The following TENT4A variants were observed in gnomAD, a reference collection of about 807,000 sequenced individuals.
TENT4A encodes DNA polymerase kappa.
TENT4A carries 7 observed loss-of-function variants against 72.8 expected under a neutral mutation model. That is an observed-to-expected ratio of 0.10 (90% CI 0.05 to 0.18). The LOEUF is 0.18. Ranked by LOEUF, TENT4A falls within the 10% of genes least tolerant of loss-of-function variation. The pLI, the probability that TENT4A is intolerant of heterozygous loss-of-function variation, is 1.00. For missense variants in TENT4A, 831 were observed against 1,017.7 expected (o/e 0.82, Z 2.50); for synonymous variants, 456 against 434.3 (o/e 1.05, Z -0.62).
intron 1 of TENT4A, among the ~76,000 whole-genome samples, chr5:6,719,446 A>G (rs1030716753): frequency 6.6e-6 from 1 of 152,200 alleles, no homozygotes; most frequent in Non-Finnish European, 1.5e-5. Flanking sequence ...AAAGGTACAG[A>G]GGGGTGGCAG....
At chr5:6,737,936 G>C (rs1479743863) in intron 2 of TENT4A, among the ~76,000 whole-genome samples, 2 of 150,332 alleles carry the variant, frequency 1.3e-5, no homozygotes, top group African/African-American at 2.4e-5. Context: ...TTGGAAGGGG[G>C]AGAATGGTGT....
chr5:6,747,600 G>A (rs1043566488), intron 7 of TENT4A, among the ~76,000 whole-genome samples: 4 of 152,266 alleles, frequency 2.6e-5, no homozygotes, highest in African/African-American at 9.6e-5. Context: ...AGCACGGTAT[G>A]GCAGTGTATC....
intron 1 of TENT4A, among the ~76,000 whole-genome samples, chr5:6,725,747 G>C (rs1413007258): frequency 6.6e-6 from 1 of 152,176 alleles, no homozygotes; most frequent in Non-Finnish European, 1.5e-5. Flanking sequence ...ACAAGCAGGT[G>C]GCTGCCACTG....
At chr5:6,746,098 G>A (rs1381949385) in intron 6 of TENT4A, 116 bp from the exon 7 acceptor site, 1 of 1,557,318 alleles carries the variant, frequency 6.4e-7, no homozygotes, top group African/African-American at 1.4e-5. Context: ...GAGTGAGCGA[G>A]TGCCACTCAC....
intron 1 of TENT4A, among the ~76,000 whole-genome samples, chr5:6,735,343 C>CTTGCCA (rs1447365244): frequency 6.6e-6 from 1 of 152,190 alleles, no homozygotes; most frequent in Admixed American, 6.5e-5. Flanking sequence ...GGTGGACAGA[C>CTTGCCA]TTGCCAGTGC....
intron 6 of TENT4A, 73 bp from the exon 7 acceptor site, chr5:6,746,141 G>C: frequency 6.2e-7 from 1 of 1,608,678 alleles, no homozygotes; most frequent in Non-Finnish European, 8.5e-7. Flanking sequence ...CTGGACAGCA[G>C]ACTTCGTCGC....
intron 1 of TENT4A, among the ~76,000 whole-genome samples, chr5:6,719,318 C>T (rs944080271): frequency 6.6e-6 from 1 of 151,944 alleles, no homozygotes; most frequent in Admixed American, 6.5e-5. Context: ...TCAGTTAGGT[C>T]ATATGGTTTA....
chr5:6,750,247 A>G (rs1742321891), intron 9 of TENT4A, 84 bp from the exon 10 acceptor site: 3 of 1,178,884 alleles, frequency 2.5e-6, no homozygotes, highest in African/African-American at 3.2e-5. Flanking sequence ...TTCCCGGCTC[A>G]GCAGAGCCCG....
At chr5:6,744,616 G>A (rs1741985294) in intron 6 of TENT4A, among the ~76,000 whole-genome samples, 1 of 152,180 alleles carries the variant, frequency 6.6e-6, no homozygotes, top group South Asian at 2.1e-4. Context: ...TGCTATGATA[G>A]TAGAATCACT....
At position 6,749,596 on chromosome 5, in the gene TENT4A, T is replaced by C; in HGVS notation, c.1626T>C (p.Ile542=). ...GRIIKVTQEV[I]DYRRWIKEKW... is the part of the protein sequence containing the mutation. ...TCATCAAAGTAACTCAGGAGGTGAT[T>C]GACTACCGGAGGTGGATCAAAGAGA... is the stretch of plus-strand genomic sequence containing the variant. Residue 542 remains isoleucine (I), a synonymous_variant, in exon 9 of 13, where the codon ATT becomes ATC. Transcript: ENST00000230859. 6.2e-7 allele frequency: 1 copy of C among 1,613,940 alleles called. No homozygotes were observed. Among genetic ancestry groups the C allele is most frequent in the Non-Finnish European group, 8.5e-7 (1 of 1,179,848 alleles).
At position 6,755,075 on chromosome 5, in the gene TENT4A, C is replaced by G. The variant is rs951986976; in HGVS notation, c.*130C>G. 13 of 682,560 alleles carry G rather than the reference C, an allele frequency of 1.9e-5. No individual in the cohort carries two copies. Among genetic ancestry groups the G allele is most frequent in the Admixed American group, 6.6e-5 (2 of 30,210 alleles). 42.3% of individuals were successfully genotyped at this position (682,560 alleles called of 1,614,324 possible). A position where few individuals can be genotyped will look rare whatever the true frequency, so the allele number is the denominator to read the frequency against. On this transcript the variant is annotated 3_prime_UTR_variant, in exon 13 of 13. Coordinates refer to ENST00000230859, the MANE Select transcript of TENT4A (RefSeq NM_006999.6). ...CGCGGCACGCCCGCCGCTGATCACT[C>G]TGCATGTTTCTTCGTGTGGTGGTCG...
chr5:6,738,090 C>A (rs1384051249), intron 2 of TENT4A, among the ~76,000 whole-genome samples: 2 of 152,170 alleles, frequency 1.3e-5, no homozygotes, highest in Non-Finnish European at 2.9e-5. Flanking sequence ...ACCACTCTTG[C>A]AGTGAAGGAA....
intron 1 of TENT4A, among the ~76,000 whole-genome samples, chr5:6,719,746 G>T (rs1740556380): frequency 6.6e-6 from 1 of 152,204 alleles, no homozygotes; most frequent in African/African-American, 2.4e-5. Context: ...CAACACTGGG[G>T]ATGCACACTC....
chr5:6,753,078 T>G (rs1220699656), intron 12 of TENT4A, 41 bp downstream of exon 12: 1 of 1,534,120 alleles, frequency 6.5e-7, no homozygotes, highest in Non-Finnish European at 8.9e-7. Context: ...CTGTTCAAGC[T>G]GCCATGTGAG....
rs1742728578 is a variant in TENT4A, at chr5:6,756,846, A to C, written c.*1901A>C. On this transcript the variant is annotated 3_prime_UTR_variant, in exon 13 of 13. Transcript: ENST00000230859. ...GCATTTTAAAACTCGATTCATAGAC[A>C]CAGGTACCATGTTCCATTTCCGTCA... 6.6e-6 allele frequency: 1 copy of C among 152,558 alleles called. No individual in the cohort carries two copies. Among genetic ancestry groups the C allele is most frequent in the Non-Finnish European group, 1.5e-5 (1 of 68,028 alleles). The allele number at this position is 152,558 out of a possible 1,614,324, so 9.5% of individuals were successfully genotyped here.
At chr5:6,720,675 A>T (rs989452963) in intron 1 of TENT4A, among the ~76,000 whole-genome samples, 8 of 140,124 alleles carry the variant, frequency 5.7e-5, no homozygotes, top group African/African-American at 1.6e-4. Flanking sequence ...ACTCTGTCTC[A>T]AAATAAATAA....
In TENT4A at chr5:6,754,745, C is replaced by G. The variant is rs181022861; in HGVS notation, c.2185-6C>G. The G allele has an allele frequency of 5.1e-6, 8 of 1,565,842 alleles. No homozygotes were observed. In the East Asian group the frequency reaches 1.8e-4, roughly 36 times the overall value. ...CTCCAACACTGCTGTCTCTCTCTTT[C>G]TCCAGCAGCACAACGGCATGAAACT... On this transcript the variant is annotated splice_polypyrimidine_tract_variant and splice_region_variant and intron_variant, in intron 12 of 12. Coordinates refer to ENST00000230859, the MANE Select transcript of TENT4A (RefSeq NM_006999.6).
At chr5:6,746,118 C>G in intron 6 of TENT4A, 96 bp from the exon 7 acceptor site, 1 of 1,590,022 alleles carries the variant, frequency 6.3e-7, no homozygotes, top group Non-Finnish European at 8.6e-7. Context: ...CTGGTATTGC[C>G]TTGAAGAGGC....
intron 1 of TENT4A, among the ~76,000 whole-genome samples, chr5:6,723,892 G>A (rs534788551): frequency 7.2e-5 from 11 of 152,258 alleles, no homozygotes; most frequent in East Asian, 3.9e-4. Context: ...GTGTGGAAGC[G>A]GGATTTCTGT....
Sources: gnomAD v4.1 joint callset for allele counts (sites outside exome capture counted in the v4.1 genomes callset) on GRCh38, gnomAD v4.1.1 for gene constraint, MANE v1.5 for transcripts, NCBI Gene and HGNC (gene_info 2026-07-23, HGNC 2026-07-21) for gene names.